ASIC2: variants seen among roughly 807,000 people sequenced by gnomAD.
ASIC2 encodes acid sensing ion channel subunit 2.
In ASIC2, 25 loss-of-function variants were observed where a neutral mutation model predicts 57.3. The ratio of observed to expected loss-of-function variants is 0.44; its 90% CI spans 0.32 to 0.61. The LOEUF (loss-of-function observed/expected upper bound fraction) is 0.61. Among genes scored for constraint, ASIC2 ranks in the 20% least tolerant of loss-of-function variants. ASIC2 has a pLI of 0.06. For missense variants in ASIC2, 641 were observed against 738.1 expected, an observed-to-expected ratio of 0.87 and a Z score of 1.52; for synonymous variants, 319 against 307.5, an observed-to-expected ratio of 1.04 and a Z score of -0.39.
chr17:33,920,693 C>G (rs137896476), intron 1 of ASIC2, among the ~76,000 whole-genome samples: 1 of 152,162 alleles, frequency 6.6e-6, no homozygotes, highest in African/African-American at 2.4e-5. Context: ...TGCACATGTA[C>G]CCCCTGAATC....
At chr17:33,298,141 G>A (rs1381666749), upstream of ASIC2, among the ~76,000 whole-genome samples, 1 of 151,316 alleles carries the variant, frequency 6.6e-6, no homozygotes, top group Non-Finnish European at 1.5e-5. Context: ...TATACTTTAA[G>A]TTTTAGGGTA....
intron 1 of ASIC2, among the ~76,000 whole-genome samples, chr17:33,222,337 G>A (rs753807239): frequency 2.0e-4 from 31 of 152,308 alleles, no homozygotes; most frequent in Middle Eastern, 3.4e-3. Context: ...AAGGTCACAG[G>A]TTGTATGATT....
intron 3 of ASIC2, among the ~76,000 whole-genome samples, chr17:33,051,276 G>A (rs1279190925): frequency 1.3e-5 from 2 of 152,108 alleles, no homozygotes; most frequent in African/African-American, 4.8e-5. Flanking sequence ...GCAGGTCAGA[G>A]GTACAGTTTG....
intron 2 of ASIC2, among the ~76,000 whole-genome samples, chr17:33,105,665 G>C (rs1428822490): frequency 6.6e-6 from 1 of 152,206 alleles, no homozygotes; most frequent in African/African-American, 2.4e-5. Flanking sequence ...GAACTTTCTA[G>C]AGACTTGAAG....
intron 1 of ASIC2, among the ~76,000 whole-genome samples, chr17:34,024,038 T>C (rs1040440810): frequency 2.7e-4 from 41 of 152,334 alleles, no homozygotes; most frequent in Non-Finnish European, 5.6e-4. Flanking sequence ...AATCAAGTCA[T>C]GGAGGCAGGA....
chr17:33,969,585 G>T (rs1981148), intron 1 of ASIC2, among the ~76,000 whole-genome samples: 42,851 of 151,890 alleles, frequency 0.28, 6,159 homozygotes, highest in Middle Eastern at 0.32. Flanking sequence ...TTACTATTGT[G>T]GACAATTGAG....
chr17:33,476,578 A>C (rs1233996154), intron 1 of ASIC2, among the ~76,000 whole-genome samples: 1 of 121,098 alleles, frequency 8.3e-6, no homozygotes, highest in African/African-American at 3.3e-5. Flanking sequence ...TGTGTGTGTC[A>C]GTTCTTGGAC....
At chr17:33,700,603 G>T (rs994710651) in intron 1 of ASIC2, among the ~76,000 whole-genome samples, 8 of 152,202 alleles carry the variant, frequency 5.3e-5, no homozygotes, top group African/African-American at 1.9e-4. Context: ...TGCGAAAAGG[G>T]TAAGATACTA....
At chr17:33,066,800 T>A (rs1248428811) in intron 3 of ASIC2, among the ~76,000 whole-genome samples, 2 of 152,146 alleles carry the variant, frequency 1.3e-5, no homozygotes, top group African/African-American at 4.8e-5. Flanking sequence ...AAACATTTCC[T>A]AGATGCTTCC....
At chr17:33,044,342 T>C (rs2091942873) in intron 3 of ASIC2, among the ~76,000 whole-genome samples, 2 of 151,574 alleles carry the variant, frequency 1.3e-5, no homozygotes, top group South Asian at 2.1e-4. Context: ...CCCCCACCCA[T>C]CCACCTTCTA....
chr17:33,520,917 A>T (rs1190180404), intron 1 of ASIC2, among the ~76,000 whole-genome samples: 3 of 152,078 alleles, frequency 2.0e-5, no homozygotes, highest in African/African-American at 7.2e-5. Flanking sequence ...TGCTTGCCTC[A>T]CCTGCCTGGG....
intron 1 of ASIC2, among the ~76,000 whole-genome samples, chr17:33,472,122 C>T (rs563881526): frequency 1.5e-4 from 22 of 151,594 alleles, no homozygotes; most frequent in Non-Finnish European, 2.6e-4. Flanking sequence ...TGGGTTCAAG[C>T]GATTCTCCCA....
At chr17:33,031,651 T>C (rs972850219) in intron 3 of ASIC2, among the ~76,000 whole-genome samples, 7 of 152,200 alleles carry the variant, frequency 4.6e-5, no homozygotes, top group Non-Finnish European at 8.8e-5. Flanking sequence ...TCTATATCTT[T>C]ACTAATTTTT....
intron 3 of ASIC2, among the ~76,000 whole-genome samples, chr17:33,044,984 T>C (rs1329900367): frequency 6.6e-6 from 1 of 152,060 alleles, no homozygotes; most frequent in Non-Finnish European, 1.5e-5. Flanking sequence ...GGATACTGCA[T>C]GTGCAGAGAT....
At position 34,156,139 on chromosome 17, in the gene ASIC2, A is replaced by AG. The variant is rs1567618702; in HGVS notation, c.393dup (p.Ser132LeufsTer32). On this transcript the variant is annotated frameshift_variant, in exon 1 of 10. Coordinates refer to the ASIC2 transcript ENST00000359872. LOFTEE classifies it high-confidence loss of function. This position sits in a 1 kb window ranked among gnomAD's most constrained non-coding sequence, Gnocchi z 4.4. ...TTCTGCCGCAGGGCCTCCAGCACGG[A>AG]GGGGTCAGCCAGATGGGGGTCCGGG... 5.6e-6 allele frequency: 9 copies of AG among 1,613,922 alleles called. No homozygotes were observed. The highest frequency in any genetic ancestry group is 7.6e-6 in the Non-Finnish European group (9 of 1,180,014).
intron 1 of ASIC2, among the ~76,000 whole-genome samples, chr17:33,600,912 T>A (rs532329171): frequency 6.6e-6 from 1 of 152,314 alleles, no homozygotes; most frequent in East Asian, 1.9e-4. Flanking sequence ...CCATCCCTTT[T>A]ATATAGTTGC....
At chr17:33,651,225 T>A (rs1906909573) in intron 1 of ASIC2, among the ~76,000 whole-genome samples, 1 of 152,220 alleles carries the variant, frequency 6.6e-6, no homozygotes, top group African/African-American at 2.4e-5. Context: ...AAGTGTATTG[T>A]GCCACTGTCG....
At chr17:33,680,876 T>C (rs575969923) in intron 1 of ASIC2, 1 of 152,334 alleles carries the variant, frequency 6.6e-6, no homozygotes, top group East Asian at 1.9e-4. Context: ...TATACAGTAG[T>C]TTTTGCATGT....
At chr17:33,549,584 G>C (rs1404077263) in intron 1 of ASIC2, among the ~76,000 whole-genome samples, 2 of 152,192 alleles carry the variant, frequency 1.3e-5, no homozygotes, top group Non-Finnish European at 2.9e-5. Flanking sequence ...AATTAGCCTA[G>C]ATTGTGGCTG....
Sources: gnomAD v4.1 joint callset for allele counts (sites outside exome capture counted in the v4.1 genomes callset) on GRCh38, gnomAD v4.1.1 for gene constraint, Gnocchi (gnomAD v3.1) non-coding constraint, MANE v1.5 for transcripts, NCBI Gene and HGNC (gene_info 2026-07-23, HGNC 2026-07-21) for gene names.